PRKG1: variants seen among roughly 807,000 people sequenced by gnomAD.
PRKG1 encodes cGMP-dependent protein kinase 1.
In PRKG1, 35 loss-of-function variants were observed where a neutral mutation model predicts 88.1. The observed-to-expected ratio is 0.40, with a 90% CI of 0.30 to 0.53. PRKG1 has a LOEUF of 0.53. Among genes scored for constraint, PRKG1 ranks in the 20% least tolerant of loss-of-function variants. The pLI, the probability that PRKG1 is intolerant of heterozygous loss-of-function variation, is 0.59. For synonymous variants in PRKG1, 303 were observed against 292.5 expected (o/e 1.04, Z -0.37); for missense variants, 540 against 839.8 (o/e 0.64, Z 4.41).
intron 7 of PRKG1, among the ~76,000 whole-genome samples, chr10:52,089,815 T>TTTTTC (rs1847007523): frequency 7.8e-6 from 1 of 127,960 alleles, no homozygotes; most frequent in African/African-American, 3.0e-5. Flanking sequence ...TTTTTTTTTT[T>TTTTTC]TTTTTTTTTT....
chr10:51,847,951 G>A (rs12770320), intron 4 of PRKG1, among the ~76,000 whole-genome samples: 1 of 137,082 alleles, frequency 7.3e-6, no homozygotes, highest in African/African-American at 2.7e-5. Context: ...TAAATATACT[G>A]TTCTATGCAT....
intron 2 of PRKG1, among the ~76,000 whole-genome samples, chr10:51,233,522 G>A (rs1838902600): frequency 6.6e-6 from 1 of 152,168 alleles, no homozygotes; most frequent in South Asian, 2.1e-4. Flanking sequence ...AGGCTTATCA[G>A]TCTAGAGTAA....
At chr10:51,231,367 G>A (rs1251513789) in intron 2 of PRKG1, among the ~76,000 whole-genome samples, 1 of 152,088 alleles carries the variant, frequency 6.6e-6, no homozygotes, top group Non-Finnish European at 1.5e-5. Context: ...CAATATTCAT[G>A]CAATATTCAG....
chr10:51,246,179 A>G (rs1839284229), intron 2 of PRKG1, among the ~76,000 whole-genome samples: 1 of 152,144 alleles, frequency 6.6e-6, no homozygotes, highest in Non-Finnish European at 1.5e-5. Context: ...TGACCCAGAA[A>G]GTTAATAGAC....
At chr10:51,124,552 C>T (rs1485193905) in intron 1 of PRKG1, among the ~76,000 whole-genome samples, 1 of 152,036 alleles carries the variant, frequency 6.6e-6, no homozygotes, top group Admixed American at 6.6e-5. Context: ...TCCCTAAAGG[C>T]CAGAATGCTG....
intron 3 of PRKG1, among the ~76,000 whole-genome samples, chr10:51,670,734 T>C (rs1446791719): frequency 1.6e-5 from 2 of 123,804 alleles, no homozygotes; most frequent in Non-Finnish European, 3.4e-5. Context: ...AGACTCCGTC[T>C]CAAAAAAAAA....
At chr10:51,387,307 TATATAC>T (rs1238498272) in intron 2 of PRKG1, among the ~76,000 whole-genome samples, 1 of 149,144 alleles carries the variant, frequency 6.7e-6, no homozygotes, top group Non-Finnish European at 1.5e-5. Flanking sequence ...ATATTTTATA[TATATAC>T]ATATAAATAA....
At chr10:52,020,795 G>T (rs1401222938) in intron 5 of PRKG1, among the ~76,000 whole-genome samples, 1 of 152,082 alleles carries the variant, frequency 6.6e-6, no homozygotes, top group Non-Finnish European at 1.5e-5. Flanking sequence ...GTCATAGTCA[G>T]CCACTTTGTC....
At chr10:51,260,150 G>C (rs1197787590) in intron 2 of PRKG1, among the ~76,000 whole-genome samples, 1 of 152,012 alleles carries the variant, frequency 6.6e-6, no homozygotes. Context: ...CAATTCCATT[G>C]CTCTTCACTC....
At chr10:51,780,959 T>A (rs1322631467) in intron 3 of PRKG1, among the ~76,000 whole-genome samples, 1 of 152,142 alleles carries the variant, frequency 6.6e-6, no homozygotes, top group Non-Finnish European at 1.5e-5. Flanking sequence ...TTTATCATCC[T>A]TGGAACTGCA....
At chr10:51,691,326 G>A (rs543365923) in intron 3 of PRKG1, among the ~76,000 whole-genome samples, 1 of 97,842 alleles carries the variant, frequency 1.0e-5, no homozygotes, top group South Asian at 3.0e-4. Context: ...TTTTTTTTTT[G>A]AGATAAGGTC....
chr10:51,085,960 G>T (rs897515527), intron 1 of PRKG1, among the ~76,000 whole-genome samples: 1 of 152,188 alleles, frequency 6.6e-6, no homozygotes, highest in East Asian at 1.9e-4. Flanking sequence ...ATTTTACTTC[G>T]ATTCTTTGTT....
intron 7 of PRKG1, among the ~76,000 whole-genome samples, chr10:52,124,567 A>C (rs1235409559): frequency 6.6e-6 from 1 of 152,178 alleles, no homozygotes; most frequent in Non-Finnish European, 1.5e-5. Context: ...AAATTACTGT[A>C]CACCACTGTA....
intron 4 of PRKG1, among the ~76,000 whole-genome samples, chr10:51,898,232 A>G (rs1841899213): frequency 6.6e-6 from 1 of 152,056 alleles, no homozygotes; most frequent in African/African-American, 2.4e-5. Flanking sequence ...ACCCTGTTTA[A>G]TCTTTTAACT....
At chr10:51,022,549 G>A (rs1843152715) in intron 1 of PRKG1, among the ~76,000 whole-genome samples, 1 of 152,080 alleles carries the variant, frequency 6.6e-6, no homozygotes, top group African/African-American at 2.4e-5. Context: ...CCCAAAGATG[G>A]GAAAGGAGTG....
intron 4 of PRKG1, among the ~76,000 whole-genome samples, chr10:51,823,572 G>A (rs529913218): frequency 2.3e-4 from 35 of 151,770 alleles, no homozygotes; most frequent in African/African-American, 8.5e-4. Context: ...ATCAAGTCCT[G>A]ACACTTATGA....
chr10:52,112,217 T>C (rs910421974), intron 7 of PRKG1, among the ~76,000 whole-genome samples: 3 of 152,214 alleles, frequency 2.0e-5, no homozygotes, highest in Admixed American at 2.0e-4. Flanking sequence ...TCTACCTGAA[T>C]GCAGTTTATG....
chr10:52,058,721 G>A lies in PRKG1; in HGVS notation c.841-3816G>A, dbSNP rs560828498. On this transcript the variant is annotated intron_variant, in intron 6 of 17. Transcript: ENST00000373980. The stretch of plus-strand genomic sequence containing the variant: ...ACATAAAGCTATAAAACTTTCAAGA[G>A]AAATGTATGACTTGCGATTAGATAG... Among the ~76,000 whole-genome samples, 4 of 151,988 alleles carry A rather than the reference G, an allele frequency of 2.6e-5. No individual in the cohort carries two copies. In the East Asian group the frequency reaches 7.7e-4, roughly 29 times the overall value.
intron 3 of PRKG1, among the ~76,000 whole-genome samples, chr10:51,719,924 T>A (rs10823457): frequency 6.6e-6 from 1 of 151,878 alleles, no homozygotes; most frequent in African/African-American, 2.4e-5. Context: ...CTAGGTCTAC[T>A]GGAGTGGTCC....
Sources: allele counts gnomAD v4.1 joint callset (sites outside exome capture counted in the v4.1 genomes callset), GRCh38; gene constraint gnomAD v4.1.1; transcripts MANE v1.5; gene names NCBI Gene and HGNC (gene_info 2026-07-23, HGNC 2026-07-21).